Variants in RASGRF1 observed in about 807,000 individuals in gnomAD.
RASGRF1 encodes the protein ras-specific guanine nucleotide-releasing factor 1.
In RASGRF1, 40 loss-of-function variants were observed where a neutral mutation model predicts 138.7. That is an observed-to-expected ratio of 0.29 (90% CI 0.22 to 0.38). The LOEUF (loss-of-function observed/expected upper bound fraction) is 0.38, where lower values mean the gene tolerates loss of function less well. RASGRF1 is among the 10% of genes least tolerant of loss of function. The probability of loss-of-function intolerance (pLI) is 1.00; values close to 1 mark genes in which losing one functional copy is unlikely to be tolerated. For missense variants in RASGRF1, 1,108 were observed against 1,650.4 expected, an observed-to-expected ratio of 0.67 and a Z score of 5.69; for synonymous variants, 614 against 663.2, an observed-to-expected ratio of 0.93 and a Z score of 1.14.
chr15:79,033,452 C>T (rs959901143), intron 6 of RASGRF1, among the ~76,000 whole-genome samples: 8 of 152,016 alleles, frequency 5.3e-5, no homozygotes, highest in African/African-American at 9.6e-5. Flanking sequence ...AGTTTTACCA[C>T]GTTGGCCAGG....
intron 24 of RASGRF1, chr15:78,979,346 T>C (rs1170261843): frequency 4.4e-6 from 2 of 451,702 alleles, no homozygotes; most frequent in Non-Finnish European, 7.0e-6. Flanking sequence ...TCAAAGCCAC[T>C]GTCAAGGGCT....
intron 14 of RASGRF1, chr15:79,005,545 T>A: frequency 2.0e-6 from 2 of 985,760 alleles, no homozygotes; most frequent in Non-Finnish European, 2.4e-6. Context: ...TCCCTGAACT[T>A]GGCCTACTGC....
At chr15:79,044,458 T>C (rs1302131625) in intron 5 of RASGRF1, among the ~76,000 whole-genome samples, 1 of 152,204 alleles carries the variant, frequency 6.6e-6, no homozygotes, top group East Asian at 1.9e-4. Flanking sequence ...TCACTCTGTA[T>C]ATGTGAACCC....
chr15:79,036,776 T>C (rs1332698887), intron 5 of RASGRF1, among the ~76,000 whole-genome samples: 1 of 147,602 alleles, frequency 6.8e-6, no homozygotes, highest in Admixed American at 6.8e-5. Context: ...GAGAAAGGGG[T>C]GAGGGAGATA....
intron 13 of RASGRF1, among the ~76,000 whole-genome samples, chr15:79,009,806 C>G (rs2056756494): frequency 6.6e-6 from 1 of 151,974 alleles, no homozygotes; most frequent in African/African-American, 2.4e-5. Context: ...CTCACTGCAA[C>G]CTCCGCCTCC....
chr15:79,038,537 A>G (rs1258693518), intron 5 of RASGRF1, among the ~76,000 whole-genome samples: 1 of 152,032 alleles, frequency 6.6e-6, no homozygotes, highest in Non-Finnish European at 1.5e-5. Flanking sequence ...TTGGTTGAAC[A>G]TTTTTCTTAT....
chr15:79,022,897 G>A (rs1043163962), intron 10 of RASGRF1, among the ~76,000 whole-genome samples: 37 of 152,284 alleles, frequency 2.4e-4, no homozygotes, highest in Admixed American at 2.2e-3. Flanking sequence ...CCTCTGGGCC[G>A]GGCGCGGTGG....
At chr15:78,962,383 C>A in intron 26 of RASGRF1, 147 bp from the exon 27 acceptor site, 1 of 593,796 alleles carries the variant, frequency 1.7e-6, no homozygotes, top group Non-Finnish European at 3.0e-6. Context: ...CAGTAGTGTT[C>A]CATCTTGACA....
At chr15:79,059,204 TTTCCCTTCCCTTCCCTATCC>T (rs1567594335) in intron 2 of RASGRF1, among the ~76,000 whole-genome samples, 2 of 70,636 alleles carry the variant, frequency 2.8e-5, no homozygotes, top group Non-Finnish European at 5.6e-5. Context: ...CTTCCCTATC[TTTCCCTTCCCTTCCCTATCC>T]TTCCCTTCCC....
chr15:78,971,957 C>T, intron 25 of RASGRF1, 23 bp from the exon 26 acceptor site: 2 of 1,551,172 alleles, frequency 1.3e-6, no homozygotes, highest in Middle Eastern at 3.4e-4. Flanking sequence ...AGGAGTGTTT[C>T]AGAATGCAGT....
intron 13 of RASGRF1, among the ~76,000 whole-genome samples, chr15:79,008,499 T>C (rs1054072675): frequency 6.6e-6 from 1 of 152,188 alleles, no homozygotes; most frequent in South Asian, 2.1e-4. Flanking sequence ...CAGGAAAGTA[T>C]ACACTGCATC....
chr15:79,078,750 G>C (rs376971039), intron 1 of RASGRF1, among the ~76,000 whole-genome samples: 1 of 152,224 alleles, frequency 6.6e-6, no homozygotes, highest in Admixed American at 6.5e-5. Flanking sequence ...TTCCTGGGCC[G>C]TGGTGGCCGC....
In RASGRF1 at chr15:78,992,600, A is replaced by T. The variant is rs180789387; in HGVS notation, c.3028-806T>A. 1.1e-3 allele frequency among the ~76,000 whole-genome samples: 169 copies of T among 152,074 alleles called. 1 individual carries two copies. The highest frequency in any genetic ancestry group is 8.3e-3 in the South Asian group (40 of 4,810). The stretch of plus-strand genomic sequence containing the variant: ...TTGGTCTTGGGAGGAGCCTGTTAGG[A>T]ACAAGAATCCTCCCCCATCACCACC... On this transcript the variant is annotated intron_variant, in intron 20 of 26. Transcript: ENST00000558480.
At chr15:78,978,493 G>A in intron 24 of RASGRF1, 6 of 973,446 alleles carry the variant, frequency 6.2e-6, no homozygotes, top group Non-Finnish European at 7.3e-6. Context: ...CTAAAGTGCT[G>A]GGATTATAGG....
At position 79,004,038 on chromosome 15, in the gene RASGRF1, C is replaced by T. The variant is rs756811003; in HGVS notation, c.2213G>A (p.Arg738Gln). 46 of 1,613,916 alleles carry T rather than the reference C, an allele frequency of 2.9e-5. No homozygotes were observed. The highest frequency in any genetic ancestry group is 2.3e-4 in the African/African-American group (17 of 74,876). Residue 738 changes from arginine (R) to glutamine (Q), a missense_variant, in exon 15 of 27, where the codon CGG (arginine) becomes CAG (glutamine). By Grantham distance (43) the Arg-to-Gln change is conservative (BLOSUM62 1). Transcript: ENST00000558480. ...SITKTSSPSR[R>Q]RKLSLNIPII... is the part of the protein sequence containing the mutation. ...GGGGATGTTCAGGGAGAGCTTCCGC[C>T]GGCGGCTCGGTGACGATGTCTTGGT...
At chr15:79,015,435 G>A in intron 12 of RASGRF1, 26 bp from the exon 13 acceptor site, 1 of 1,594,284 alleles carries the variant, frequency 6.3e-7, no homozygotes. Flanking sequence ...GGACCCCAGG[G>A]TCAGAGCTCT....
intron 13 of RASGRF1, among the ~76,000 whole-genome samples, chr15:79,013,714 C>A (rs1414064535): frequency 6.6e-6 from 1 of 151,984 alleles, no homozygotes; most frequent in African/African-American, 2.4e-5. Context: ...AGGGTTGGGG[C>A]AGGAAGGAGT....
chr15:79,086,408 A>C (rs1418129855), intron 1 of RASGRF1, among the ~76,000 whole-genome samples: 2 of 152,108 alleles, frequency 1.3e-5, no homozygotes, highest in African/African-American at 4.8e-5. Context: ...CCACAGATGA[A>C]ATTGTTTCCT....
chr15:78,978,215 C>CTTTTCTTTTCTTTTTTTT (rs2055915117), intron 24 of RASGRF1, among the ~76,000 whole-genome samples: 2 of 79,340 alleles, frequency 2.5e-5, no homozygotes, highest in Non-Finnish European at 2.5e-5. Flanking sequence ...TTTTTCTTTT[C>CTTTTCTTTTCTTTTTTTT]TTTTGTTTTT....
Sources: gnomAD v4.1 joint callset for allele counts (sites outside exome capture counted in the v4.1 genomes callset) on GRCh38, gnomAD v4.1.1 for gene constraint, MANE v1.5 for transcripts, NCBI Gene and HGNC (gene_info 2026-07-23, HGNC 2026-07-21) for gene names.